SUFU: variants seen among roughly 807,000 people sequenced by gnomAD.
The protein encoded by SUFU is suppressor of fused homolog.
A neutral mutation model predicts 58.9 loss-of-function variants in SUFU; 7 were observed. The observed-to-expected ratio is 0.12, with a 90% CI of 0.07 to 0.22. SUFU has a LOEUF of 0.22. Among genes scored for constraint, SUFU ranks in the 10% least tolerant of loss-of-function variants. The pLI is 1.00. For synonymous variants in SUFU, 232 were observed against 254.8 expected (o/e 0.91, Z 0.85); for missense variants, 451 against 641.3 (o/e 0.70, Z 3.20).
chr10:102,575,999 G>A (rs569883626), intron 3 of SUFU, among the ~76,000 whole-genome samples: 2 of 143,040 alleles, frequency 1.4e-5, no homozygotes, highest in East Asian at 2.2e-4. Context: ...ACCATACCCC[G>A]CTAATTTTTC....
In SUFU at chr10:102,629,959, T is replaced by C. The variant is rs1489535904; in HGVS notation, c.1366-107T>C. ...GAATGAAGCCACGCCTCCCGCGGCCTGTCCTATCCCTAGCTCCCCGGGGAC... is the reference window on the plus strand; with the variant it reads ...GAATGAAGCCACGCCTCCCGCGGCCCGTCCTATCCCTAGCTCCCCGGGGAC... On this transcript the variant is annotated intron_variant, in intron 11 of 11. Coordinates refer to ENST00000369902, the MANE Select transcript of SUFU (RefSeq NM_016169.4). The surrounding 1 kb of genome is among the most constrained non-coding windows in gnomAD (Gnocchi z 4.7). The C allele has an allele frequency of 1.5e-5, 16 of 1,059,332 alleles. No individual in the cohort carries two copies. The highest frequency in any genetic ancestry group is 1.5e-6 in the Non-Finnish European group (1 of 674,704). 65.6% of individuals were successfully genotyped at this position (1,059,332 alleles called of 1,614,324 possible).
chr10:102,525,847 C>T (rs2062603126), intron 2 of SUFU, among the ~76,000 whole-genome samples: 1 of 152,162 alleles, frequency 6.6e-6, no homozygotes, highest in South Asian at 2.1e-4. Flanking sequence ...ATATCCAGTG[C>T]TTTCTTAGTG....
chr10:102,529,008 G>GA (rs2062644656), intron 2 of SUFU, among the ~76,000 whole-genome samples: 1 of 1,320 alleles, frequency 7.6e-4, no homozygotes. Flanking sequence ...TAAATATAAC[G>GA]AGATTTATGG....
At chr10:102,627,406 G>A (rs908803501) in intron 11 of SUFU, among the ~76,000 whole-genome samples, 163 bp downstream of exon 11, 2 of 152,244 alleles carry the variant, frequency 1.3e-5, no homozygotes, top group African/African-American at 4.8e-5. Flanking sequence ...CCAAGGTGCA[G>A]GGATAGGCTG....
intron 2 of SUFU, among the ~76,000 whole-genome samples, chr10:102,520,658 G>A (rs372990672): frequency 6.6e-6 from 1 of 152,038 alleles, no homozygotes; most frequent in Admixed American, 6.6e-5. Context: ...CAACTGTTTG[G>A]TTTTTTTTAC....
intron 8 of SUFU, among the ~76,000 whole-genome samples, chr10:102,614,879 T>TAA (rs201612268): frequency 3.6e-5 from 5 of 137,248 alleles, no homozygotes; most frequent in Admixed American, 7.3e-5. Context: ...CCATCTCAAT[T>TAA]AAAAAAAAAA....
chr10:102,615,256 C>T lies in SUFU; in HGVS notation c.1023-12C>T, dbSNP rs201176480. Reference sequence around the variant, plus strand: ...ACCTTGTGCCGAACCTTTTCCTGTGCTTGCTTCACAGGAGCCGCAAAGACA... The same window carrying T: ...ACCTTGTGCCGAACCTTTTCCTGTGTTTGCTTCACAGGAGCCGCAAAGACA... On this transcript the variant is annotated splice_polypyrimidine_tract_variant and intron_variant, in intron 8 of 11. Transcript: ENST00000369902. 1 of 1,614,162 alleles carries T rather than the reference C, an allele frequency of 6.2e-7. No individual in the cohort carries two copies. The highest frequency in any genetic ancestry group is 2.2e-5 in the East Asian group (1 of 44,888).
In SUFU at chr10:102,628,131, C is replaced by T. The variant is rs1172733455; in HGVS notation, c.1365+888C>T. Among the ~76,000 whole-genome samples, 1 of 152,146 alleles carries T rather than the reference C, an allele frequency of 6.6e-6. No individual in the cohort carries two copies. Among genetic ancestry groups the T allele is most frequent in the Non-Finnish European group, 1.5e-5 (1 of 68,008 alleles). ...GGAGAACTCCTTCGCCTCCCAGGGG[C>T]CAGGCTTTCTACCAAGAGGGAGGCC... On this transcript the variant is annotated intron_variant, in intron 11 of 11. Transcript: ENST00000369902. This position sits in a 1 kb window ranked among gnomAD's most constrained non-coding sequence, Gnocchi z 4.5.
intron 3 of SUFU, among the ~76,000 whole-genome samples, chr10:102,567,088 T>G (rs1590037101): frequency 8.7e-6 from 1 of 115,512 alleles, no homozygotes; most frequent in East Asian, 3.2e-4. Context: ...CTCGGCTCAC[T>G]GCAACCTCTG....
rs370818590 is a variant in SUFU, at chr10:102,592,563, C to A, written c.455-19C>A. 8 of 1,613,860 alleles carry A rather than the reference C, an allele frequency of 5.0e-6. No individual in the cohort carries two copies. The East Asian group carries it at 8.9e-5, about 18-fold the overall frequency. On this transcript the variant is annotated intron_variant, in intron 3 of 11. Coordinates refer to ENST00000369902, the MANE Select transcript of SUFU (RefSeq NM_016169.4). Reference sequence around the variant, plus strand: ...ATCTGGGGCCTTGAACAATGAGGATCCTTGTATCTCTCCCACAGAGAACAC... The same window carrying A: ...ATCTGGGGCCTTGAACAATGAGGATACTTGTATCTCTCCCACAGAGAACAC...
At chr10:102,615,217 T>A (rs1414793396) in intron 8 of SUFU, 51 bp from the exon 9 acceptor site, 1 of 1,613,600 alleles carries the variant, frequency 6.2e-7, no homozygotes, top group East Asian at 2.2e-5. Flanking sequence ...ATCTTGCTCC[T>A]CCCTGAGCTT....
chr10:102,534,334 G>A (rs565351768), intron 2 of SUFU, among the ~76,000 whole-genome samples: 16 of 152,340 alleles, frequency 1.1e-4, no homozygotes, highest in African/African-American at 3.6e-4. Flanking sequence ...GGCGGAGGCA[G>A]GAGAATGGCG....
At chr10:102,583,363 C>G (rs1208608472) in intron 3 of SUFU, among the ~76,000 whole-genome samples, 1 of 152,154 alleles carries the variant, frequency 6.6e-6, no homozygotes, top group African/African-American at 2.4e-5. Context: ...CTTTCTGCTC[C>G]CCACTTTAAC....
intron 9 of SUFU, among the ~76,000 whole-genome samples, chr10:102,616,789 G>T (rs1320653233): frequency 6.6e-6 from 1 of 152,194 alleles, no homozygotes; most frequent in African/African-American, 2.4e-5. Flanking sequence ...CCACTTGAAT[G>T]TTATGGGAAA....
chr10:102,578,878 GAA>G (rs80146358), intron 3 of SUFU, among the ~76,000 whole-genome samples: 21 of 145,670 alleles, frequency 1.4e-4, no homozygotes, highest in South Asian at 6.5e-4. Flanking sequence ...CTCAAAGGGA[GAA>G]AAAAAAAAAA....
chr10:102,535,911 G>A (rs2062733222), intron 2 of SUFU, among the ~76,000 whole-genome samples: 1 of 150,646 alleles, frequency 6.6e-6, no homozygotes, highest in Non-Finnish European at 1.5e-5. Flanking sequence ...GCCCTTGTGG[G>A]GTTTATAGTC....
At chr10:102,601,475 G>T (rs1393896150) in intron 8 of SUFU, among the ~76,000 whole-genome samples, 1 of 152,200 alleles carries the variant, frequency 6.6e-6, no homozygotes, top group Admixed American at 6.5e-5. Flanking sequence ...AGGTGCCGGG[G>T]TTGTCTCCCC....
chr10:102,509,089 T>A (rs2062365997), intron 1 of SUFU, 80 bp from the exon 2 acceptor site: 1 of 1,602,144 alleles, frequency 6.2e-7, no homozygotes, highest in Non-Finnish European at 8.5e-7. Flanking sequence ...GTCCTTTAGG[T>A]TTACAAAGTA....
chr10:102,595,149 A>T (rs549526723), intron 6 of SUFU, among the ~76,000 whole-genome samples: 1 of 152,292 alleles, frequency 6.6e-6, no homozygotes, highest in Admixed American at 6.5e-5. Context: ...TAAACCTGCC[A>T]TGCTTCTGTA....
Sources: gnomAD v4.1 joint callset for allele counts (sites outside exome capture counted in the v4.1 genomes callset) on GRCh38, gnomAD v4.1.1 for gene constraint, Gnocchi (gnomAD v3.1) non-coding constraint, MANE v1.5 for transcripts, NCBI Gene and HGNC (gene_info 2026-07-23, HGNC 2026-07-21) for gene names.